The following PDE4D variants were observed in gnomAD, a reference collection of about 807,000 sequenced individuals.
PDE4D encodes 3',5'-cyclic-AMP phosphodiesterase 4D.
PDE4D carries 24 observed loss-of-function variants against 87.4 expected under a neutral mutation model. That is an observed-to-expected ratio of 0.27 (90% CI 0.20 to 0.39). The LOEUF (loss-of-function observed/expected upper bound fraction) is 0.39. PDE4D is among the 10% of genes least tolerant of loss of function. The pLI, the probability that PDE4D is intolerant of heterozygous loss-of-function variation, is 1.00. For missense variants in PDE4D, 714 were observed against 1,041.0 expected (o/e 0.69, Z 4.32); for synonymous variants, 384 against 383.2 (o/e 1.00, Z -0.02).
intron 1 of PDE4D, among the ~76,000 whole-genome samples, chr5:60,330,204 T>A (rs966806660): frequency 1.3e-5 from 2 of 152,202 alleles, no homozygotes; most frequent in Non-Finnish European, 2.9e-5. Flanking sequence ...AGTTAATGAC[T>A]CAATTATGAT....
intron 1 of PDE4D, among the ~76,000 whole-genome samples, chr5:59,756,272 T>C (rs766253134): frequency 7.2e-5 from 11 of 152,002 alleles, no homozygotes; most frequent in Non-Finnish European, 1.0e-4. Flanking sequence ...TTCTAAAAGA[T>C]AAGGATTAGT....
intron 1 of PDE4D, among the ~76,000 whole-genome samples, chr5:60,393,739 T>C (rs1233127388): frequency 6.6e-6 from 1 of 152,178 alleles, no homozygotes; most frequent in Non-Finnish European, 1.5e-5. Context: ...TCTTTTCACT[T>C]TAGGTACCCA....
intron 1 of PDE4D, among the ~76,000 whole-genome samples, chr5:59,721,560 T>C (rs1350846134): frequency 7.2e-5 from 11 of 152,096 alleles, no homozygotes; most frequent in Non-Finnish European, 1.5e-5. Flanking sequence ...TATAGGAAAA[T>C]TGGGGCTTAA....
At chr5:59,578,409 A>G (rs189992283) in intron 1 of PDE4D, among the ~76,000 whole-genome samples, 272 of 152,282 alleles carry the variant, frequency 1.8e-3, no homozygotes, top group Admixed American at 2.8e-3. Flanking sequence ...TCTCATCACA[A>G]AACAGTTTCA....
At chr5:60,507,500 A>C (rs193124677) in intron 1 of PDE4D, among the ~76,000 whole-genome samples, 1 of 152,334 alleles carries the variant, frequency 6.6e-6, no homozygotes, top group East Asian at 1.9e-4. Flanking sequence ...TTGCTTTCTT[A>C]GAATATATTA....
intron 1 of PDE4D, among the ~76,000 whole-genome samples, chr5:59,228,259 G>C (rs1754284550): frequency 6.6e-6 from 1 of 152,072 alleles, no homozygotes; most frequent in African/African-American, 2.4e-5. Flanking sequence ...CTTGAGGATG[G>C]AGGGTGGGAG....
At chr5:60,007,823 T>A (rs1764636361) in intron 2 of PDE4D, among the ~76,000 whole-genome samples, 1 of 152,056 alleles carries the variant, frequency 6.6e-6, no homozygotes, top group Admixed American at 6.6e-5. Flanking sequence ...TAGCTCCTAC[T>A]ACATGGCAGG....
chr5:58,976,826 TAA>T (rs1743927487), intron 12 of PDE4D, among the ~76,000 whole-genome samples: 1 of 152,002 alleles, frequency 6.6e-6, no homozygotes, highest in African/African-American at 2.4e-5. Context: ...GAAAAAAGAG[TAA>T]AGTCATGGAT....
intron 1 of PDE4D, among the ~76,000 whole-genome samples, chr5:59,708,399 AATAG>A (rs1390957165): frequency 1.3e-5 from 2 of 152,192 alleles, no homozygotes; most frequent in Non-Finnish European, 2.9e-5. Context: ...TGAAAAAATT[AATAG>A]ATAGACTACT....
intron 2 of PDE4D, among the ~76,000 whole-genome samples, chr5:60,041,560 A>G (rs963098895): frequency 6.6e-6 from 1 of 152,330 alleles, no homozygotes; most frequent in African/African-American, 2.4e-5. Flanking sequence ...AGCGAGACCA[A>G]TGCAGAAGGC....
intron 1 of PDE4D, among the ~76,000 whole-genome samples, chr5:59,627,578 G>GCCTC (rs1158259005): frequency 1.3e-5 from 2 of 152,154 alleles, no homozygotes; most frequent in Admixed American, 1.3e-4. Flanking sequence ...ATCAATGAAT[G>GCCTC]CCTCCTTTAG....
rs60646746 is a variant in PDE4D at position 59,427,292 on chromosome 5, T to TACACACACACAC, written c.456-211336_456-211325dup. On this transcript the variant is annotated intron_variant, in intron 1 of 14. Coordinates refer to ENST00000340635, the MANE Select transcript of PDE4D (RefSeq NM_001104631.2). ...TGTGGCATACAGGGAAGTGATTTTATACACACACACACACACACACACACA... is the reference window on the plus strand; with the variant it reads ...TGTGGCATACAGGGAAGTGATTTTATACACACACACACACACACACACACACACACACACACA... Among the ~76,000 whole-genome samples the TACACACACACAC allele has an allele frequency of 2.4e-3, 313 of 132,352 alleles. 1 individual carries two copies. The highest frequency in any genetic ancestry group is 8.2e-3 in the South Asian group (31 of 3,788). The allele number at this position is 132,352 out of a possible 152,430, so 86.8% of individuals were successfully genotyped here.
At chr5:59,337,772 AT>A (rs1307686812) in intron 1 of PDE4D, among the ~76,000 whole-genome samples, 1 of 152,126 alleles carries the variant, frequency 6.6e-6, no homozygotes, top group Non-Finnish European at 1.5e-5. Context: ...ATCTGGTATG[AT>A]TTCACAATGT....
chr5:59,762,696 A>ACG, intron 1 of PDE4D, among the ~76,000 whole-genome samples: 2 of 143,224 alleles, frequency 1.4e-5, no homozygotes, highest in Non-Finnish European at 3.0e-5. Context: ...ATAGGTTCAT[A>ACG]TATGTGTATA....
intron 1 of PDE4D, among the ~76,000 whole-genome samples, chr5:59,617,253 G>A (rs1829818378): frequency 2.0e-5 from 3 of 152,154 alleles, no homozygotes; most frequent in South Asian, 2.1e-4. Context: ...TTGGAAACCA[G>A]TGTGGTAGCC....
At chr5:59,819,415 C>T (rs920324449) in intron 1 of PDE4D, among the ~76,000 whole-genome samples, 2 of 152,172 alleles carry the variant, frequency 1.3e-5, no homozygotes, top group Non-Finnish European at 2.9e-5. Flanking sequence ...CTTTTTTTCT[C>T]CCATTCTTCC....
At chr5:59,446,070 G>A (rs1049508346) in intron 1 of PDE4D, among the ~76,000 whole-genome samples, 14 of 152,072 alleles carry the variant, frequency 9.2e-5, no homozygotes, top group African/African-American at 2.7e-4. Flanking sequence ...TTAAGAAAGC[G>A]TAATGTGAAA....
chr5:59,769,830 A>AAATGCAT (rs1763262874), intron 1 of PDE4D, among the ~76,000 whole-genome samples: 1 of 122,348 alleles, frequency 8.2e-6, no homozygotes, highest in Non-Finnish European at 1.8e-5. Flanking sequence ...GGAGCTACAA[A>AAATGCAT]ATGCATCCAG....
At chr5:59,867,806 T>C (rs896770128) in intron 1 of PDE4D, among the ~76,000 whole-genome samples, 1 of 152,102 alleles carries the variant, frequency 6.6e-6, no homozygotes, top group African/African-American at 2.4e-5. Flanking sequence ...TGCTATATCA[T>C]TAGGGAAGAT....
Sources: allele counts gnomAD v4.1 joint callset (sites outside exome capture counted in the v4.1 genomes callset), GRCh38; gene constraint gnomAD v4.1.1; transcripts MANE v1.5; gene names NCBI Gene and HGNC (gene_info 2026-07-23, HGNC 2026-07-21).